The following EYA1 variants were observed in gnomAD, a reference collection of about 807,000 sequenced individuals.
The protein encoded by EYA1 is EYA transcriptional coactivator and phosphatase 1.
EYA1 carries 16 observed loss-of-function variants against 82.0 expected under a neutral mutation model. The ratio of observed to expected loss-of-function variants is 0.20; its 90% CI spans 0.13 to 0.30. The LOEUF (loss-of-function observed/expected upper bound fraction) is 0.30, where lower values mean the gene tolerates loss of function less well. EYA1 is among the 10% of genes least tolerant of loss of function. The pLI is 1.00. For synonymous variants in EYA1, 261 were observed against 264.4 expected (o/e 0.99, Z 0.12); for missense variants, 633 against 730.7 (o/e 0.87, Z 1.54).
Position 71,532,395 on chromosome 8 carries a change from A to T in EYA1, c.33+3349T>A, listed in dbSNP as rs546939248. ...ATTGCCAGCCTCCTCCTCAGCCCAG[A>T]GCTCTGAGCTGAAAGAAAGACATGA... On this transcript the variant is annotated intron_variant, in intron 2 of 18. Coordinates refer to the EYA1 transcript ENST00000643681. 9.2e-5 allele frequency among the ~76,000 whole-genome samples: 14 copies of T among 152,270 alleles called. No individual in the cohort carries two copies. In the South Asian group the frequency reaches 2.3e-3, roughly 25 times the overall value.
Position 71,343,965 on chromosome 8 carries a change from T to C in EYA1, c.125-9791A>G, listed in dbSNP as rs150065662. Among the ~76,000 whole-genome samples, 284 of 152,274 alleles carry C rather than the reference T, an allele frequency of 1.9e-3. 2 individuals are homozygous for C. The highest frequency in any genetic ancestry group is 6.4e-3 in the African/African-American group (265 of 41,558). ...ACAGTGAACACCTATAAACCTATCA[T>C]CTGGACTCTACAATTAGCATGTTAC... On this transcript the variant is annotated intron_variant, in intron 3 of 17. Transcript: ENST00000340726.
chr8:71,537,246 T>A (rs1392824253), intron 1 of EYA1, among the ~76,000 whole-genome samples: 2 of 152,222 alleles, frequency 1.3e-5, no homozygotes, highest in Admixed American at 1.3e-4. Context: ...GTTTTTGTAA[T>A]TTTAACAAGA....
intron 12 of EYA1, among the ~76,000 whole-genome samples, chr8:71,239,417 C>A (rs562662255): frequency 6.6e-6 from 1 of 152,274 alleles, no homozygotes; most frequent in East Asian, 1.9e-4. Context: ...CAACACATAA[C>A]AATTCAGTCT....
At chr8:71,261,966 A>G (rs957854521) in intron 11 of EYA1, among the ~76,000 whole-genome samples, 1 of 152,148 alleles carries the variant, frequency 6.6e-6, no homozygotes, top group African/African-American at 2.4e-5. Flanking sequence ...CCAAATGTAC[A>G]CTTCCAGCAT....
intron 2 of EYA1, among the ~76,000 whole-genome samples, chr8:71,443,610 A>T (rs1362526884): frequency 2.0e-5 from 3 of 152,162 alleles, no homozygotes; most frequent in Non-Finnish European, 4.4e-5. Flanking sequence ...CAGTGCTATA[A>T]TGACTATACA....
intron 2 of EYA1, among the ~76,000 whole-genome samples, chr8:71,368,213 TAGAG>T (rs1827866453): frequency 6.7e-6 from 1 of 149,666 alleles, no homozygotes. Flanking sequence ...CCCTGGTTGA[TAGAG>T]AGTTACAGGC....
At chr8:71,502,214 A>C (rs993034831) in intron 2 of EYA1, among the ~76,000 whole-genome samples, 1 of 152,224 alleles carries the variant, frequency 6.6e-6, no homozygotes. Flanking sequence ...TGATACAAAA[A>C]GGACTTGACT....
At chr8:71,446,626 A>G (rs1425845332) in intron 2 of EYA1, among the ~76,000 whole-genome samples, 1 of 152,214 alleles carries the variant, frequency 6.6e-6, no homozygotes, top group African/African-American at 2.4e-5. Context: ...GCAAATTTCA[A>G]TAAGAAGACA....
At chr8:71,273,704 A>G (rs916300438) in intron 9 of EYA1, among the ~76,000 whole-genome samples, 20 of 152,352 alleles carry the variant, frequency 1.3e-4, no homozygotes, top group African/African-American at 4.6e-4. Context: ...CCAAGCATTC[A>G]TTTTACAACC....
chr8:71,306,713 T>A (rs1358416225), intron 7 of EYA1, among the ~76,000 whole-genome samples: 1 of 152,176 alleles, frequency 6.6e-6, no homozygotes, highest in Non-Finnish European at 1.5e-5. Flanking sequence ...CTCACCCAAG[T>A]CTCATCTGTC....
chr8:71,482,615 A>G (rs1478834801), intron 2 of EYA1, among the ~76,000 whole-genome samples: 1 of 152,224 alleles, frequency 6.6e-6, no homozygotes, highest in African/African-American at 2.4e-5. Flanking sequence ...TAATTCATAA[A>G]AGTCAAAAAA....
At chr8:71,207,883 G>C (rs971181254) in intron 17 of EYA1, among the ~76,000 whole-genome samples, 2 of 151,926 alleles carry the variant, frequency 1.3e-5, no homozygotes, top group African/African-American at 2.4e-5. Flanking sequence ...TAATAGAATA[G>C]TTTTGTACAC....
intron 2 of EYA1, among the ~76,000 whole-genome samples, chr8:71,440,560 A>G (rs1806351523): frequency 6.6e-6 from 1 of 152,168 alleles, no homozygotes; most frequent in African/African-American, 2.4e-5. Context: ...GGGGAAGACC[A>G]AACATGCAAA....
chr8:71,216,901 C>T lies in EYA1; in HGVS notation c.1200-49G>A, dbSNP rs1809279985. 1.9e-6 allele frequency: 3 copies of T among 1,611,132 alleles called. No homozygotes were observed. The South Asian group carries it at 3.3e-5, about 18-fold the overall frequency. On this transcript the variant is annotated intron_variant, in intron 13 of 17. Coordinates refer to ENST00000340726, the MANE Select transcript of EYA1 (RefSeq NM_000503.6). Reference sequence around the variant, plus strand: ...AAAGTTAGCCGAACAGAAAGTCCATCTTAATTAGGTAAGTAATTAAACTAT... The same window carrying T: ...AAAGTTAGCCGAACAGAAAGTCCATTTTAATTAGGTAAGTAATTAAACTAT...
chr8:71,234,488 G>A (rs1486306606), intron 12 of EYA1, among the ~76,000 whole-genome samples: 1 of 152,020 alleles, frequency 6.6e-6, no homozygotes, highest in Non-Finnish European at 1.5e-5. Context: ...TCTAACAGTC[G>A]CTCACTTCTC....
At chr8:71,245,032 A>T (rs1812907297) in intron 11 of EYA1, among the ~76,000 whole-genome samples, 1 of 152,234 alleles carries the variant, frequency 6.6e-6, no homozygotes, top group Non-Finnish European at 1.5e-5. Context: ...AAATTCAGTG[A>T]ATCAAGTAGC....
chr8:71,298,948 C>A (rs1196795321), intron 9 of EYA1, 99 bp downstream of exon 9: 1 of 1,237,890 alleles, frequency 8.1e-7, no homozygotes, highest in Admixed American at 1.8e-5. Flanking sequence ...CAAAAGCTGC[C>A]AAAATTGTGC....
chr8:71,415,381 C>T (rs1369474341), intron 2 of EYA1, among the ~76,000 whole-genome samples: 2 of 152,086 alleles, frequency 1.3e-5, no homozygotes, highest in South Asian at 4.1e-4. Flanking sequence ...CACAATAACC[C>T]CATGGAGTAA....
intron 2 of EYA1, among the ~76,000 whole-genome samples, chr8:71,511,226 A>C (rs190971987): frequency 6.6e-6 from 1 of 152,176 alleles, no homozygotes; most frequent in Non-Finnish European, 1.5e-5. Context: ...AAATTTGTCA[A>C]TCTATTCCTT....
Sources: allele counts gnomAD v4.1 joint callset (sites outside exome capture counted in the v4.1 genomes callset), GRCh38; gene constraint gnomAD v4.1.1; transcripts MANE v1.5; gene names NCBI Gene and HGNC (gene_info 2026-07-23, HGNC 2026-07-21).